Variants in OPCML observed in about 807,000 individuals in gnomAD.
The protein encoded by OPCML is opioid binding protein/cell adhesion molecule like.
OPCML carries 13 observed loss-of-function variants against 37.8 expected under a neutral mutation model. That is an observed-to-expected ratio of 0.34 (90% CI 0.22 to 0.55). The LOEUF is 0.55. Ranked by LOEUF, OPCML falls within the 20% of genes least tolerant of loss-of-function variation. The pLI is 0.91. For synonymous variants in OPCML, 176 were observed against 168.8 expected, an observed-to-expected ratio of 1.04 and a Z score of -0.33; for missense variants, 341 against 435.6, an observed-to-expected ratio of 0.78 and a Z score of 1.93.
At chr11:132,781,404 A>G (rs946671972) in intron 2 of OPCML, among the ~76,000 whole-genome samples, 1 of 152,002 alleles carries the variant, frequency 6.6e-6, no homozygotes, top group African/African-American at 2.4e-5. Context: ...GAACTAAAAC[A>G]TTAGCCCTCC....
At chr11:132,445,256 C>G (rs1196880654) in intron 4 of OPCML, among the ~76,000 whole-genome samples, 3 of 152,192 alleles carry the variant, frequency 2.0e-5, no homozygotes, top group African/African-American at 7.2e-5. Flanking sequence ...GAGGAATTCC[C>G]TGGCAGGGGT....
chr11:132,502,060 G>T (rs905271096), intron 4 of OPCML, among the ~76,000 whole-genome samples: 1 of 152,154 alleles, frequency 6.6e-6, no homozygotes, highest in Non-Finnish European at 1.5e-5. Context: ...CAAAAGACAT[G>T]CTTTCTGATG....
intron 7 of OPCML, among the ~76,000 whole-genome samples, chr11:132,424,310 G>T (rs185546766): frequency 6.6e-6 from 1 of 151,962 alleles, no homozygotes; most frequent in East Asian, 1.9e-4. Context: ...TAGTAGAGAC[G>T]GGGTTTCACC....
At chr11:133,089,472 A>C (rs1484505030) in intron 1 of OPCML, among the ~76,000 whole-genome samples, 1 of 152,220 alleles carries the variant, frequency 6.6e-6, no homozygotes, top group African/African-American at 2.4e-5. Context: ...TAATGAATTA[A>C]CTTACTCGTT....
At chr11:132,554,872 T>TTTG (rs1555152102) in intron 3 of OPCML, among the ~76,000 whole-genome samples, 3 of 131,114 alleles carry the variant, frequency 2.3e-5, no homozygotes, top group Non-Finnish European at 4.8e-5. Context: ...AGTTTTTTTT[T>TTTG]TTTTTTTTTT....
rs529806477 is a variant in OPCML at position 132,725,105 on chromosome 11, T to C, written c.147-67786A>G. 9.2e-5 allele frequency among the ~76,000 whole-genome samples: 14 copies of C among 152,324 alleles called. No homozygotes were observed. In the South Asian group the frequency reaches 2.9e-3, roughly 32 times the overall value. ...TGAGGCAGTGCCCCAGTAGGGACTCTGTGTGTGGGCTCCAACTCCACATTT... is the reference window on the plus strand; with the variant it reads ...TGAGGCAGTGCCCCAGTAGGGACTCCGTGTGTGGGCTCCAACTCCACATTT... On this transcript the variant is annotated intron_variant, in intron 2 of 7. Coordinates refer to ENST00000524381, the MANE Select transcript of OPCML (RefSeq NM_001012393.5).
chr11:132,868,589 G>A (rs1413908288), intron 2 of OPCML, among the ~76,000 whole-genome samples: 2 of 152,066 alleles, frequency 1.3e-5, no homozygotes, highest in African/African-American at 4.8e-5. Flanking sequence ...AATCTAAGCT[G>A]TTCTTCTGGC....
intron 1 of OPCML, among the ~76,000 whole-genome samples, chr11:133,292,644 G>C (rs1942512579): frequency 6.6e-6 from 1 of 152,148 alleles, no homozygotes; most frequent in African/African-American, 2.4e-5. Context: ...TCCAGCCAGT[G>C]CTCCTCCAAT....
intron 1 of OPCML, among the ~76,000 whole-genome samples, chr11:133,182,681 T>C (rs1172428361): frequency 6.6e-6 from 1 of 152,118 alleles, no homozygotes; most frequent in Non-Finnish European, 1.5e-5. Flanking sequence ...AGAGCGGAGA[T>C]GCCAAGAGGT....
intron 1 of OPCML, among the ~76,000 whole-genome samples, chr11:133,425,669 T>A (rs771754153): frequency 6.6e-6 from 1 of 152,118 alleles, no homozygotes; most frequent in Non-Finnish European, 1.5e-5. Flanking sequence ...CCCTATATTA[T>A]CACATGGAGT....
At chr11:132,873,820 A>T (rs756911168) in intron 2 of OPCML, among the ~76,000 whole-genome samples, 52 of 112,840 alleles carry the variant, frequency 4.6e-4, no homozygotes, top group South Asian at 2.3e-3. Context: ...TAAATCAAAT[A>T]AAAAAAATTA....
chr11:132,524,385 G>A (rs1565636164), intron 4 of OPCML, among the ~76,000 whole-genome samples: 1 of 152,024 alleles, frequency 6.6e-6, no homozygotes, highest in Non-Finnish European at 1.5e-5. Flanking sequence ...TACTTCCTGG[G>A]CCATGGGTCA....
At chr11:133,354,317 G>A (rs1944229849) in intron 1 of OPCML, among the ~76,000 whole-genome samples, 1 of 27,862 alleles carries the variant, frequency 3.6e-5, no homozygotes, top group Admixed American at 4.4e-4. Context: ...TGTTGGTAGT[G>A]GTGGTGGTGG....
rs144674930 is a variant in OPCML, at chr11:133,147,237, A to AG, written c.62-204228_62-204227insC. Among the ~76,000 whole-genome samples the AG allele has an allele frequency of 7.7e-3, 1,167 of 152,262 alleles. 3 individuals carry two copies. Among genetic ancestry groups the AG allele is most frequent in the African/African-American group, 0.015 (628 of 41,540 alleles). ...GCTTTGTCTGCAGCATCTCTCACCA[A>AG]CACAGAGGAACAAGAAAACCTGCTG... is the stretch of plus-strand genomic sequence containing the variant. On this transcript the variant is annotated intron_variant, in intron 1 of 7. Coordinates refer to ENST00000524381, the MANE Select transcript of OPCML (RefSeq NM_001012393.5).
chr11:132,513,339 T>C (rs1338542880), intron 4 of OPCML, among the ~76,000 whole-genome samples: 2 of 152,086 alleles, frequency 1.3e-5, no homozygotes, highest in Non-Finnish European at 2.9e-5. Flanking sequence ...AAAGCAACAT[T>C]CAACTATTTT....
intron 1 of OPCML, among the ~76,000 whole-genome samples, chr11:133,235,355 A>T (rs985615690): frequency 2.0e-5 from 3 of 152,072 alleles, no homozygotes; most frequent in African/African-American, 7.2e-5. Flanking sequence ...CCTCTCTCCT[A>T]AGAGGCAGTT....
At chr11:133,433,748 C>T (rs1194415954) in intron 1 of OPCML, among the ~76,000 whole-genome samples, 2 of 152,170 alleles carry the variant, frequency 1.3e-5, no homozygotes, top group African/African-American at 4.8e-5. Context: ...CTGCAAGGCA[C>T]ATCTTCCCCC....
intron 3 of OPCML, among the ~76,000 whole-genome samples, chr11:132,610,338 G>T (rs980817121): frequency 6.6e-6 from 1 of 152,152 alleles, no homozygotes; most frequent in Admixed American, 6.5e-5. Flanking sequence ...TAAATATCTG[G>T]CTGTAAATCT....
At chr11:132,614,667 GA>G (rs983740073) in intron 3 of OPCML, among the ~76,000 whole-genome samples, 13 of 152,304 alleles carry the variant, frequency 8.5e-5, no homozygotes, top group African/African-American at 3.1e-4. Flanking sequence ...AATGAGGAGA[GA>G]AAAACAAATC....
Sources: gnomAD v4.1 joint callset for allele counts (sites outside exome capture counted in the v4.1 genomes callset) on GRCh38, gnomAD v4.1.1 for gene constraint, MANE v1.5 for transcripts, NCBI Gene and HGNC (gene_info 2026-07-23, HGNC 2026-07-21) for gene names.